CARNMT1: variants seen among roughly 807,000 people sequenced by gnomAD.
CARNMT1 encodes the protein protein-L-histidine N-pros-methyltransferase CARNMT1.
CARNMT1 carries 28 observed loss-of-function variants against 49.6 expected under a neutral mutation model. The ratio of observed to expected loss-of-function variants is 0.56; its 90% confidence interval spans 0.42 to 0.77. The LOEUF is 0.77. Among genes scored for constraint, CARNMT1 ranks in the 30% least tolerant of loss-of-function variants. The pLI is 0.00. For synonymous variants in CARNMT1, 178 were observed against 175.0 expected (o/e 1.02, Z -0.13); for missense variants, 421 against 512.6 (o/e 0.82, Z 1.73).
intron 6 of CARNMT1, among the ~76,000 whole-genome samples, chr9:74,994,829 T>C (rs1833139066): frequency 6.6e-6 from 1 of 152,284 alleles, no homozygotes; most frequent in African/African-American, 2.4e-5. Flanking sequence ...TTCTCCATTA[T>C]TACAATTTTC....
intron 1 of CARNMT1, among the ~76,000 whole-genome samples, chr9:75,024,605 G>A (rs1822470890): frequency 6.6e-6 from 1 of 152,092 alleles, no homozygotes; most frequent in Non-Finnish European, 1.5e-5. Flanking sequence ...ACCTTAATGA[G>A]AATGTCATCT....
At chr9:75,022,213 CTT>C (rs35783706) in intron 1 of CARNMT1, among the ~76,000 whole-genome samples, 3,036 of 76,488 alleles carry the variant, frequency 0.04, 41 homozygotes, top group East Asian at 0.14. Flanking sequence ...AGAAGGAATA[CTT>C]TTTTTTTTTT....
intron 6 of CARNMT1, among the ~76,000 whole-genome samples, chr9:74,994,515 T>A (rs575291912): frequency 6.6e-6 from 1 of 152,260 alleles, no homozygotes; most frequent in Non-Finnish European, 1.5e-5. Context: ...GTATCTGTGG[T>A]ACACCCAAGT....
At chr9:75,027,023 G>A in intron 1 of CARNMT1, 1 of 1,228,564 alleles carries the variant, frequency 8.1e-7, no homozygotes, top group African/African-American at 1.6e-5. Context: ...ATAAAGCACA[G>A]CAGGAACCCA....
intron 3 of CARNMT1, among the ~76,000 whole-genome samples, chr9:75,013,691 C>T (rs1044354917): frequency 6.6e-6 from 1 of 151,476 alleles, no homozygotes; most frequent in African/African-American, 2.4e-5. Context: ...TGTGGATGAC[C>T]AAAGAGGGTA....
intron 6 of CARNMT1, among the ~76,000 whole-genome samples, chr9:74,995,747 T>A (rs1426004407): frequency 6.6e-6 from 1 of 152,172 alleles, no homozygotes; most frequent in Non-Finnish European, 1.5e-5. Flanking sequence ...AACCTTTATG[T>A]TCTAGTCATG....
At chr9:74,992,782 A>C (rs1833067522) in intron 6 of CARNMT1, among the ~76,000 whole-genome samples, 1 of 152,146 alleles carries the variant, frequency 6.6e-6, no homozygotes, top group Non-Finnish European at 1.5e-5. Flanking sequence ...TTCATATATA[A>C]TTTTACCTCC....
At chr9:75,028,383 G>T, upstream of CARNMT1, 1 of 1,297,884 alleles carries the variant, frequency 7.7e-7, no homozygotes, top group Admixed American at 4.3e-5. Flanking sequence ...CCACCCTCAG[G>T]CCTCCATCCG....
At chr9:74,989,521 T>C (rs1016479807) in intron 6 of CARNMT1, among the ~76,000 whole-genome samples, 2 of 152,200 alleles carry the variant, frequency 1.3e-5, no homozygotes, top group African/African-American at 2.4e-5. Flanking sequence ...TCTAAAAATA[T>C]AGTTTACTGC....
At chr9:75,009,443 G>C (rs1330626159) in intron 3 of CARNMT1, among the ~76,000 whole-genome samples, 1 of 151,754 alleles carries the variant, frequency 6.6e-6, no homozygotes, top group Non-Finnish European at 1.5e-5. Flanking sequence ...CCCATACCAA[G>C]TATTTCTTAA....
chr9:75,027,215 CT>C (rs1269240757), intron 1 of CARNMT1: 6 of 1,062,120 alleles, frequency 5.6e-6, no homozygotes, highest in Middle Eastern at 2.5e-4. Flanking sequence ...GATTAAGCTA[CT>C]TTAACATCTA....
intron 6 of CARNMT1, among the ~76,000 whole-genome samples, chr9:74,986,021 G>A (rs191801909): frequency 1.3e-5 from 2 of 152,290 alleles, no homozygotes; most frequent in Admixed American, 6.5e-5. Flanking sequence ...ATGCACATAT[G>A]ATTTAAAGCA....
intron 1 of CARNMT1, 81 bp downstream of exon 1, chr9:75,027,931 G>A: frequency 7.2e-7 from 1 of 1,398,082 alleles, no homozygotes. Flanking sequence ...GCGGGACGGC[G>A]AGCGCCCCCG....
intron 1 of CARNMT1, chr9:75,026,999 T>TA (rs1478539439): frequency 2.2e-5 from 21 of 965,668 alleles, no homozygotes; most frequent in Non-Finnish European, 2.9e-5. Flanking sequence ...ATGAACAATA[T>TA]AAAAAAACTT....
chr9:74,995,611 A>G (rs1833164463), intron 6 of CARNMT1, among the ~76,000 whole-genome samples: 2 of 152,190 alleles, frequency 1.3e-5, no homozygotes, highest in East Asian at 3.9e-4. Context: ...AATTTCTGGT[A>G]AATTAAAATT....
chr9:74,999,723 T>G lies in CARNMT1; in HGVS notation c.731+7A>C. On this transcript the variant is annotated splice_region_variant and intron_variant, in intron 4 of 7. Coordinates refer to ENST00000376834, the MANE Select transcript of CARNMT1 (RefSeq NM_152420.3). Reference sequence around the variant, plus strand: ...TTACTATTTCCAGCAAAAAATAAATTAAATACCTGTTGAGTACAAAGTTGG... The same window carrying G: ...TTACTATTTCCAGCAAAAAATAAATGAAATACCTGTTGAGTACAAAGTTGG... 6.3e-7 allele frequency: 1 copy of G among 1,591,122 alleles called. No homozygotes were observed. Among genetic ancestry groups the G allele is most frequent in the Non-Finnish European group, 8.5e-7 (1 of 1,173,182 alleles).
At chr9:75,027,609 G>T in intron 1 of CARNMT1, 1 of 287,788 alleles carries the variant, frequency 3.5e-6, no homozygotes, top group Non-Finnish European at 5.2e-6. Context: ...CTCTCCGTGT[G>T]TTCAGTTTGG....
chr9:75,028,370 C>T (rs1564110876), upstream of CARNMT1: 3 of 1,301,706 alleles, frequency 2.3e-6, no homozygotes, highest in East Asian at 3.2e-5. Flanking sequence ...CGCTCCGCCC[C>T]CGCCACCCTC....
In CARNMT1 at chr9:74,984,802, A is replaced by G. The variant is rs1832781909; in HGVS notation, c.1128+105T>C. 7.0e-6 allele frequency: 5 copies of G among 711,576 alleles called. No homozygotes were observed. In the South Asian group the frequency reaches 8.6e-5, roughly 12 times the overall value. 44.1% of individuals were successfully genotyped at this position (711,576 alleles called of 1,614,324 possible). On this transcript the variant is annotated intron_variant, in intron 7 of 7. Transcript: ENST00000376834. ...AACCTGTATTATCTTCCCTTTATAGATAAGAAAACAGAGAATTCAAATAGT... is the reference window on the plus strand; with the variant it reads ...AACCTGTATTATCTTCCCTTTATAGGTAAGAAAACAGAGAATTCAAATAGT...
Sources: allele counts gnomAD v4.1 joint callset (sites outside exome capture counted in the v4.1 genomes callset), GRCh38; gene constraint gnomAD v4.1.1; transcripts MANE v1.5; gene names NCBI Gene and HGNC (gene_info 2026-07-23, HGNC 2026-07-21).